PCDH7: variants seen among roughly 807,000 people sequenced by gnomAD.
PCDH7 encodes the protein protocadherin-7.
A neutral mutation model predicts 58.9 loss-of-function variants in PCDH7; 17 were observed. The observed-to-expected ratio is 0.29, with a 90% CI of 0.20 to 0.43. The LOEUF (loss-of-function observed/expected upper bound fraction) is 0.43, where lower values mean the gene tolerates loss of function less well. Among genes scored for constraint, PCDH7 ranks in the 20% least tolerant of loss-of-function variants. PCDH7 has a pLI of 1.00. For missense variants in PCDH7, 1,274 were observed against 1,441.0 expected (o/e 0.88, Z 1.88); for synonymous variants, 664 against 616.4 (o/e 1.08, Z -1.14).
intron 3 of PCDH7, among the ~76,000 whole-genome samples, chr4:30,966,310 G>T (rs894587746): frequency 6.6e-6 from 1 of 152,106 alleles, no homozygotes; most frequent in Non-Finnish European, 1.5e-5. Context: ...GTCTCAACTG[G>T]ATTAAAAGCA....
intron 3 of PCDH7, among the ~76,000 whole-genome samples, chr4:31,127,874 A>T (rs1477959654): frequency 6.6e-6 from 1 of 152,028 alleles, no homozygotes; most frequent in African/African-American, 2.4e-5. Flanking sequence ...TTACACAGAA[A>T]TAGCCAAAAT....
At chr4:31,121,253 C>T (rs1045667814) in intron 3 of PCDH7, among the ~76,000 whole-genome samples, 2 of 152,098 alleles carry the variant, frequency 1.3e-5, no homozygotes, top group African/African-American at 4.8e-5. Context: ...ACAATATTCA[C>T]TTAAGACCAA....
At position 30,829,838 on chromosome 4, in the gene PCDH7, G is replaced by A. The variant is rs189129025; in HGVS notation, c.71-90315G>A. Among the ~76,000 whole-genome samples the A allele has an allele frequency of 2.0e-5, 3 of 152,146 alleles. No homozygotes were observed. The East Asian group carries it at 5.8e-4, about 29-fold the overall frequency. On this transcript the variant is annotated intron_variant, in intron 1 of 3. Coordinates refer to the PCDH7 transcript ENST00000509759. ...TGCTCTAAAATAGAAGGGGGATGGA[G>A]AGGAGTTGATGATATGTTGTTATAT... is the stretch of plus-strand genomic sequence containing the variant.
intron 1 of PCDH7, among the ~76,000 whole-genome samples, chr4:30,901,608 T>G (rs865916329): frequency 2.6e-5 from 4 of 152,180 alleles, no homozygotes; most frequent in Non-Finnish European, 5.9e-5. Context: ...AGAAAATGAC[T>G]ACAACCCACA....
chr4:31,068,502 A>C (rs1560618669), intron 3 of PCDH7, among the ~76,000 whole-genome samples: 1 of 152,020 alleles, frequency 6.6e-6, no homozygotes, highest in African/African-American at 2.4e-5. Context: ...ATTTCAGCAC[A>C]AAGAATTCAA....
chr4:30,725,954 A>G lies in PCDH7; in HGVS notation c.3174+1358A>G, dbSNP rs560910486. On this transcript the variant is annotated intron_variant, in intron 1 of 1. Transcript: ENST00000361762. Reference sequence around the variant, plus strand: ...CAGTCTGAATATACTTTTATATCTAATAACAAATGCAATCCAAGAAAACAC... The same window carrying G: ...CAGTCTGAATATACTTTTATATCTAGTAACAAATGCAATCCAAGAAAACAC... Among the ~76,000 whole-genome samples the G allele has an allele frequency of 2.0e-5, 3 of 152,218 alleles. No individual in the cohort carries two copies. The East Asian group carries it at 5.8e-4, about 29-fold the overall frequency.
chr4:31,071,270 C>T (rs1460990804), intron 3 of PCDH7, among the ~76,000 whole-genome samples: 1 of 151,944 alleles, frequency 6.6e-6, no homozygotes, highest in Non-Finnish European at 1.5e-5. Flanking sequence ...ACCCAAAAAC[C>T]CATAGTCTCT....
chr4:30,954,401 TG>T (rs1303293496), intron 3 of PCDH7, among the ~76,000 whole-genome samples: 2 of 152,150 alleles, frequency 1.3e-5, no homozygotes, highest in Non-Finnish European at 2.9e-5. Flanking sequence ...AGAGTTCCAG[TG>T]CTGACATAAA....
chr4:30,797,299 G>A (rs1379279480), intron 1 of PCDH7, among the ~76,000 whole-genome samples: 1 of 151,440 alleles, frequency 6.6e-6, no homozygotes, highest in Non-Finnish European at 1.5e-5. Flanking sequence ...TTGAGACGGA[G>A]TCTTGCTCTG....
chr4:31,103,156 C>G (rs1210358582), intron 3 of PCDH7, among the ~76,000 whole-genome samples: 5 of 152,160 alleles, frequency 3.3e-5, no homozygotes, highest in Non-Finnish European at 5.9e-5. Context: ...AGATCAGTGT[C>G]TTTCACATTT....
chr4:30,791,371 A>G, intron 1 of PCDH7, among the ~76,000 whole-genome samples: 1 of 152,324 alleles, frequency 6.6e-6, no homozygotes, highest in East Asian at 1.9e-4. Context: ...AACAATATTT[A>G]CTATTTACCT....
Position 30,920,142 on chromosome 4 carries a change from T to C in PCDH7, c.71-11T>C, listed in dbSNP as rs753622970. The C allele has an allele frequency of 7.3e-7, 1 of 1,365,766 alleles. No individual in the cohort carries two copies. The highest frequency in any genetic ancestry group is 9.8e-7 in the Non-Finnish European group (1 of 1,020,512). 84.6% of individuals were successfully genotyped at this position (1,365,766 alleles called of 1,614,324 possible). On this transcript the variant is annotated splice_polypyrimidine_tract_variant and intron_variant, in intron 1 of 3. Coordinates refer to the PCDH7 transcript ENST00000509759. The stretch of plus-strand genomic sequence containing the variant: ...ACATCGTAGTGACATTCAGAATCTT[T>C]TCTTTTGCAGCCATTTCGTAGAGTG...
intron 1 of PCDH7, among the ~76,000 whole-genome samples, chr4:30,896,058 G>A (rs1451500931): frequency 2.0e-5 from 3 of 152,160 alleles, no homozygotes; most frequent in Non-Finnish European, 4.4e-5. Context: ...CCCTGAGGAG[G>A]TGGAGGGGTT....
At chr4:30,929,318 C>T (rs1277425463) in intron 2 of PCDH7, among the ~76,000 whole-genome samples, 1 of 152,136 alleles carries the variant, frequency 6.6e-6, no homozygotes, top group African/African-American at 2.4e-5. Context: ...ATTTATATTA[C>T]AATCCCTTTA....
At chr4:30,948,151 C>T (rs1318904367) in intron 2 of PCDH7, among the ~76,000 whole-genome samples, 1 of 151,740 alleles carries the variant, frequency 6.6e-6, no homozygotes, top group East Asian at 1.9e-4. Context: ...TTTATAGTTT[C>T]TCATAAGTAT....
chr4:31,014,043 A>G (rs532058479), intron 3 of PCDH7, among the ~76,000 whole-genome samples: 1 of 152,276 alleles, frequency 6.6e-6, no homozygotes, highest in Non-Finnish European at 1.5e-5. Context: ...TAGACAAATA[A>G]TTATGATTTT....
At chr4:31,043,069 A>C (rs1756011440) in intron 3 of PCDH7, among the ~76,000 whole-genome samples, 1 of 152,100 alleles carries the variant, frequency 6.6e-6, no homozygotes, top group Non-Finnish European at 1.5e-5. Flanking sequence ...CCATTAATTC[A>C]TGAATCCGTG....
chr4:30,991,323 C>T (rs529403764), intron 3 of PCDH7, among the ~76,000 whole-genome samples: 2 of 152,232 alleles, frequency 1.3e-5, no homozygotes, highest in South Asian at 4.1e-4. Flanking sequence ...CCCACTGGAT[C>T]CTATGAAAGA....
In PCDH7 at chr4:30,722,745, C is replaced by A. The variant is rs1045702745; in HGVS notation, c.1323C>A (p.Pro441=). The A allele has an allele frequency of 2.5e-6, 4 of 1,613,380 alleles. No individual in the cohort carries two copies. Among genetic ancestry groups the A allele is most frequent in the Non-Finnish European group, 2.5e-6 (3 of 1,180,016 alleles). ...CCGAGGACGTTCTGGTCGACACCCC[C>A]ATCGCTCTGGTGCAGGTGTCCGACC... The change falls in exon 1 of 2, where the codon CCC becomes CCA. Residue 441 remains proline (P), a synonymous_variant. Transcript: ENST00000361762. The surrounding 1 kb of genome is among the most constrained non-coding windows in gnomAD (Gnocchi z 7.6).
Sources: allele counts gnomAD v4.1 joint callset (sites outside exome capture counted in the v4.1 genomes callset), GRCh38; gene constraint gnomAD v4.1.1; non-coding constraint Gnocchi (gnomAD v3.1); transcripts MANE v1.5; gene names NCBI Gene and HGNC (gene_info 2026-07-23, HGNC 2026-07-21).